Variants in NCALD observed in about 807,000 individuals in gnomAD.
The protein encoded by NCALD is neurocalcin-delta.
A neutral mutation model predicts 18.6 loss-of-function variants in NCALD; 10 were observed. The observed-to-expected ratio is 0.54, with a 90% confidence interval of 0.33 to 0.91. The LOEUF is 0.91. Among genes scored for constraint, NCALD ranks in the 40% least tolerant of loss-of-function variants. The pLI is 0.03. For missense variants in NCALD, 184 were observed against 247.6 expected (o/e 0.74, Z 1.72); for synonymous variants, 88 against 87.4 (o/e 1.01, Z -0.04).
Position 101,688,648 on chromosome 8 carries a change from T to C in NCALD, c.*661A>G. The C allele has an allele frequency of 2.2e-6, 1 of 460,620 alleles. No individual in the cohort carries two copies. The highest frequency in any genetic ancestry group is 4.4e-6 in the Non-Finnish European group (1 of 229,764). The allele number at this position is 460,620 out of a possible 1,614,324, so 28.5% of individuals were successfully genotyped here. On this transcript the variant is annotated 3_prime_UTR_variant, in exon 4 of 4. Transcript: ENST00000220931. ...GGAATATGTTACCATTTGTGTTTAA[T>C]TTCCAAAGACACGCATATTAGCTCA...
chr8:101,826,744 A>G (rs1813952783), intron 4 of NCALD, among the ~76,000 whole-genome samples: 1 of 152,204 alleles, frequency 6.6e-6, no homozygotes, highest in African/African-American at 2.4e-5. Flanking sequence ...GACTTCTCAT[A>G]CCCTAAATTA....
chr8:101,900,873 CTA>C (rs1327984213), intron 3 of NCALD, among the ~76,000 whole-genome samples: 1 of 151,908 alleles, frequency 6.6e-6, no homozygotes, highest in African/African-American at 2.4e-5. Context: ...ATGGTCTTCT[CTA>C]TGTTTGCTGG....
chr8:101,904,589 T>A (rs915751458), intron 3 of NCALD, among the ~76,000 whole-genome samples: 1 of 152,192 alleles, frequency 6.6e-6, no homozygotes, highest in Non-Finnish European at 1.5e-5. Context: ...TCCCCAAGGC[T>A]GGAAAACAGC....
At chr8:101,923,898 T>C (rs1818252048) in intron 2 of NCALD, among the ~76,000 whole-genome samples, 1 of 152,200 alleles carries the variant, frequency 6.6e-6, no homozygotes. Flanking sequence ...GCTGATAATG[T>C]TATTAGAAAG....
chr8:101,874,878 G>A (rs1361016942), intron 4 of NCALD, among the ~76,000 whole-genome samples: 3 of 151,988 alleles, frequency 2.0e-5, no homozygotes, highest in African/African-American at 4.8e-5. Flanking sequence ...ACAGGAGGGA[G>A]GGGTATAAGC....
intron 1 of NCALD, among the ~76,000 whole-genome samples, chr8:102,032,930 T>C (rs1356209512): frequency 6.6e-6 from 1 of 152,160 alleles, no homozygotes; most frequent in African/African-American, 2.4e-5. Flanking sequence ...GTGTTCACCC[T>C]GCGAACAGCA....
At chr8:102,036,356 C>T (rs1185803053) in intron 1 of NCALD, among the ~76,000 whole-genome samples, 2 of 151,014 alleles carry the variant, frequency 1.3e-5, no homozygotes, top group Non-Finnish European at 1.5e-5. Context: ...TATCTTTTTT[C>T]ACTTAAAAGA....
upstream of NCALD, among the ~76,000 whole-genome samples, chr8:101,791,281 T>A (rs868463913): frequency 6.6e-6 from 1 of 152,190 alleles, no homozygotes; most frequent in Non-Finnish European, 1.5e-5. Context: ...CAGGAAAATA[T>A]ATGCCACCCT....
rs573425199 is a variant in NCALD, at chr8:101,840,975, C to T, written c.-20+46166G>A. Among the ~76,000 whole-genome samples the T allele has an allele frequency of 4.6e-5, 7 of 152,220 alleles. No homozygotes were observed. In the East Asian group the frequency reaches 5.8e-4, roughly 13 times the overall value. Reference sequence around the variant, plus strand: ...AATATTAAAAAGCTTTAATTTAACACGGTGACTAAGGCCTTATTAGATTCA... The same window carrying T: ...AATATTAAAAAGCTTTAATTTAACATGGTGACTAAGGCCTTATTAGATTCA... On this transcript the variant is annotated intron_variant, in intron 4 of 6. Transcript: ENST00000311028.
At chr8:101,708,775 A>G (rs1035180135) in intron 2 of NCALD, among the ~76,000 whole-genome samples, 1 of 152,166 alleles carries the variant, frequency 6.6e-6, no homozygotes, top group Non-Finnish European at 1.5e-5. Context: ...CCCTTAATAC[A>G]TGGATCCCTC....
At chr8:101,817,159 T>C (rs1178485679) in intron 4 of NCALD, among the ~76,000 whole-genome samples, 1 of 152,116 alleles carries the variant, frequency 6.6e-6, no homozygotes, top group African/African-American at 2.4e-5. Flanking sequence ...ACCGAGCCCT[T>C]CTGAGAATGA....
intron 1 of NCALD, among the ~76,000 whole-genome samples, chr8:102,049,641 A>G: frequency 6.6e-6 from 1 of 152,096 alleles, no homozygotes; most frequent in East Asian, 1.9e-4. Flanking sequence ...TGGCTGTACT[A>G]TTTTGCATTC....
chr8:102,080,594 G>A (rs950245936), intron 1 of NCALD, among the ~76,000 whole-genome samples: 1 of 152,186 alleles, frequency 6.6e-6, no homozygotes, highest in East Asian at 1.9e-4. Context: ...ACTCATCAAA[G>A]AGAAAGCCTT....
intron 1 of NCALD, among the ~76,000 whole-genome samples, chr8:102,122,185 A>T (rs1428602256): frequency 6.6e-6 from 1 of 152,208 alleles, no homozygotes; most frequent in Non-Finnish European, 1.5e-5. Flanking sequence ...CCAAGAATGC[A>T]TAGGAGTTGA....
chr8:101,978,567 C>G (rs1351619933), intron 2 of NCALD, among the ~76,000 whole-genome samples: 1 of 152,188 alleles, frequency 6.6e-6, no homozygotes, highest in East Asian at 1.9e-4. Flanking sequence ...CCTGATTCTA[C>G]AGCCCAGTCT....
At chr8:101,791,160 T>C (rs376465509), upstream of NCALD, among the ~76,000 whole-genome samples, 15 of 152,200 alleles carry the variant, frequency 9.9e-5, no homozygotes, top group Middle Eastern at 3.2e-3. Flanking sequence ...GCACACACCA[T>C]AGAACCATCA....
intron 1 of NCALD, among the ~76,000 whole-genome samples, chr8:102,084,610 C>G (rs931919153): frequency 2.6e-5 from 4 of 152,132 alleles, no homozygotes; most frequent in Non-Finnish European, 5.9e-5. Flanking sequence ...GGGAGGGGCG[C>G]CACACGCAAT....
intron 2 of NCALD, among the ~76,000 whole-genome samples, chr8:101,991,941 C>T (rs1191019140): frequency 6.6e-6 from 1 of 152,206 alleles, no homozygotes; most frequent in Non-Finnish European, 1.5e-5. Flanking sequence ...CACTTGTCAA[C>T]AATTCCAGCA....
At chr8:102,059,142 C>T (rs978809629) in intron 1 of NCALD, among the ~76,000 whole-genome samples, 4 of 152,148 alleles carry the variant, frequency 2.6e-5, no homozygotes, top group South Asian at 4.1e-4. Context: ...AATATAGTTC[C>T]GTATGTATTC....
Sources: allele counts gnomAD v4.1 joint callset (sites outside exome capture counted in the v4.1 genomes callset), GRCh38; gene constraint gnomAD v4.1.1; transcripts MANE v1.5; gene names NCBI Gene and HGNC (gene_info 2026-07-23, HGNC 2026-07-21).